COL11A1: variants seen among roughly 807,000 people sequenced by gnomAD.
The protein encoded by COL11A1 is collagen alpha-1(XI) chain.
A neutral mutation model predicts 265.2 loss-of-function variants in COL11A1; 74 were observed. The observed-to-expected ratio is 0.28, with a 90% confidence interval of 0.23 to 0.34. The LOEUF (loss-of-function observed/expected upper bound fraction) is 0.34. COL11A1 is among the 10% of genes least tolerant of loss of function. COL11A1 has a pLI of 1.00. For missense variants in COL11A1, 2,165 were observed against 2,263.6 expected, an observed-to-expected ratio of 0.96 and a Z score of 0.88; for synonymous variants, 816 against 727.6, an observed-to-expected ratio of 1.12 and a Z score of -1.96.
rs1024126665 is a variant in COL11A1, at chr1:102,996,019, A to G, written c.2265T>C (p.Pro755=). ...GALGPPGPQG[P]IGYPGPRGVK... ...CTCCCCGGGGGCCCGGGTATCCAAT[A>G]GGACCTTGTGGACCAGGGGGACCCT... is the stretch of plus-strand genomic sequence containing the variant. Residue 755 remains proline (P), a synonymous_variant, in exon 27 of 67, where the codon CCT becomes CCC. Coordinates refer to ENST00000370096, the MANE Select transcript of COL11A1 (RefSeq NM_001854.4). The G allele has an allele frequency of 6.2e-7, 1 of 1,613,408 alleles. No individual in the cohort carries two copies.
intron 57 of COL11A1, among the ~76,000 whole-genome samples, chr1:102,893,590 A>G (rs1652033710): frequency 1.3e-5 from 2 of 152,154 alleles, no homozygotes; most frequent in Non-Finnish European, 1.5e-5. Context: ...TACATAATTC[A>G]TAAGTAATAA....
chr1:102,910,364 A>T (rs1654505785), intron 54 of COL11A1, among the ~76,000 whole-genome samples: 1 of 152,062 alleles, frequency 6.6e-6, no homozygotes, highest in Admixed American at 6.6e-5. Context: ...TAAATTTATT[A>T]AAAAATATAA....
Position 103,012,404 on chromosome 1 carries a change from G to A in COL11A1, c.1629+9C>T. 1 of 1,611,202 alleles carries A rather than the reference G, an allele frequency of 6.2e-7. No homozygotes were observed. Among genetic ancestry groups the A allele is most frequent in the Non-Finnish European group, 8.5e-7 (1 of 1,177,578 alleles). Reference sequence around the variant, plus strand: ...TTTAACATATATTATCTTTGTTGGGGTAACCTACCACAGGACCTGGTCTTC... The same window carrying A: ...TTTAACATATATTATCTTTGTTGGGATAACCTACCACAGGACCTGGTCTTC... On this transcript the variant is annotated intron_variant, in intron 14 of 66. Coordinates refer to ENST00000370096, the MANE Select transcript of COL11A1 (RefSeq NM_001854.4).
chr1:102,985,438 T>C (rs1255591200), intron 30 of COL11A1, among the ~76,000 whole-genome samples: 1 of 152,114 alleles, frequency 6.6e-6, no homozygotes, highest in Non-Finnish European at 1.5e-5. Context: ...CTAAGAAGCA[T>C]ACTTATAATG....
At chr1:103,021,802 G>A (rs1274847774) in intron 8 of COL11A1, 33 bp from the exon 9 acceptor site, 1 of 1,410,532 alleles carries the variant, frequency 7.1e-7, no homozygotes, top group East Asian at 2.3e-5. Flanking sequence ...CAGCCTAAAT[G>A]TCTGTAAGAC....
intron 24 of COL11A1, among the ~76,000 whole-genome samples, chr1:103,000,413 A>G (rs1664998850): frequency 6.6e-6 from 1 of 151,970 alleles, no homozygotes; most frequent in Non-Finnish European, 1.5e-5. Context: ...ACTCAATATT[A>G]AGATAAATAA....
rs192593391 is a variant in COL11A1 at position 102,894,677 on chromosome 1, G to A, written c.4302+3448C>T. 8.3e-4 allele frequency among the ~76,000 whole-genome samples: 126 copies of A among 151,932 alleles called. 1 individual carries two copies. The highest frequency in any genetic ancestry group is 2.9e-3 in the African/African-American group (122 of 41,420). Reference sequence around the variant, plus strand: ...AACCCTAATAAAATTATATTATACCGACTCTAGCAGAGTCCCACTTAAAAA... The same window carrying A: ...AACCCTAATAAAATTATATTATACCAACTCTAGCAGAGTCCCACTTAAAAA... On this transcript the variant is annotated intron_variant, in intron 57 of 66. Transcript: ENST00000370096.
At chr1:102,978,517 G>A (rs1662719699) in intron 35 of COL11A1, among the ~76,000 whole-genome samples, 191 bp downstream of exon 35, 1 of 152,088 alleles carries the variant, frequency 6.6e-6, no homozygotes, top group Non-Finnish European at 1.5e-5. Context: ...AACAAAATTA[G>A]TAGAACATAT....
chr1:102,958,566 C>T (rs771048083), intron 41 of COL11A1, among the ~76,000 whole-genome samples: 8 of 151,984 alleles, frequency 5.3e-5, no homozygotes, highest in South Asian at 2.1e-4. Flanking sequence ...CATCATGCAC[C>T]GCTTCACTAG....
At chr1:102,993,544 C>A (rs1459242478) in intron 28 of COL11A1, among the ~76,000 whole-genome samples, 2 of 151,908 alleles carry the variant, frequency 1.3e-5, no homozygotes, top group Non-Finnish European at 2.9e-5. Context: ...TATTGTTGTA[C>A]TATAACTTTT....
intron 41 of COL11A1, among the ~76,000 whole-genome samples, chr1:102,954,088 CTT>C (rs1319015690): frequency 2.0e-5 from 3 of 152,086 alleles, no homozygotes; most frequent in African/African-American, 4.8e-5. Flanking sequence ...CCATTTTTCT[CTT>C]GTTTTGAACT....
At chr1:103,107,883 G>T (rs751043330) in intron 1 of COL11A1, among the ~76,000 whole-genome samples, 190 bp downstream of exon 1, 1 of 151,038 alleles carries the variant, frequency 6.6e-6, no homozygotes, top group Non-Finnish European at 1.5e-5. Context: ...TTATTGTCCC[G>T]CCTACATTCA....
chr1:103,039,903 G>A (rs544636091), intron 4 of COL11A1, among the ~76,000 whole-genome samples: 1 of 152,198 alleles, frequency 6.6e-6, no homozygotes, highest in East Asian at 1.9e-4. Flanking sequence ...AATATTGGCT[G>A]ATTTAATTTG....
intron 4 of COL11A1, among the ~76,000 whole-genome samples, chr1:103,044,471 G>A (rs1669089409): frequency 6.6e-6 from 1 of 151,982 alleles, no homozygotes; most frequent in African/African-American, 2.4e-5. Flanking sequence ...TGCTTACCAA[G>A]TACTACAGAA....
At position 102,876,554 on chromosome 1, in the gene COL11A1, G is replaced by A. The variant is rs1454633037; in HGVS notation, c.*1465C>T. 1 of 152,382 alleles carries A rather than the reference G, an allele frequency of 6.6e-6. No homozygotes were observed. Among genetic ancestry groups the A allele is most frequent in the South Asian group, 2.1e-4 (1 of 4,826 alleles). 9.4% of individuals were successfully genotyped at this position (152,382 alleles called of 1,614,324 possible). On this transcript the variant is annotated 3_prime_UTR_variant, in exon 67 of 67. Coordinates refer to ENST00000370096, the MANE Select transcript of COL11A1 (RefSeq NM_001854.4). The stretch of plus-strand genomic sequence containing the variant: ...TACAAACTCGATTTCAAAAATAAAA[G>A]AAATTCTTTATGACAAATTTCACTT...
At chr1:103,094,233 T>C (rs1009162351) in intron 1 of COL11A1, among the ~76,000 whole-genome samples, 2 of 151,860 alleles carry the variant, frequency 1.3e-5, no homozygotes, top group African/African-American at 4.8e-5. Flanking sequence ...AGAAGACAAC[T>C]TGATGAGGAT....
intron 4 of COL11A1, among the ~76,000 whole-genome samples, chr1:103,038,474 A>G (rs1668548892): frequency 6.6e-6 from 1 of 151,986 alleles, no homozygotes; most frequent in Non-Finnish European, 1.5e-5. Context: ...TTTCTCCAAA[A>G]AGAGAGAGAG....
At chr1:102,963,774 C>G (rs371710768) in intron 38 of COL11A1, among the ~76,000 whole-genome samples, 1 of 151,826 alleles carries the variant, frequency 6.6e-6, no homozygotes, top group East Asian at 1.9e-4. Flanking sequence ...AAACATTTAT[C>G]CAAAACATGA....
chr1:103,056,243 G>A (rs542879036), intron 4 of COL11A1, among the ~76,000 whole-genome samples: 3 of 152,224 alleles, frequency 2.0e-5, no homozygotes, highest in African/African-American at 7.2e-5. Context: ...GAAAAATGAA[G>A]AGGGGAATTG....
Sources: allele counts gnomAD v4.1 joint callset (sites outside exome capture counted in the v4.1 genomes callset), GRCh38; gene constraint gnomAD v4.1.1; transcripts MANE v1.5; gene names NCBI Gene and HGNC (gene_info 2026-07-23, HGNC 2026-07-21).